AGBL1: variants seen among roughly 807,000 people sequenced by gnomAD.
AGBL1 encodes cytosolic carboxypeptidase 4.
In AGBL1, 130 loss-of-function variants were observed where a neutral mutation model predicts 118.9. The ratio of observed to expected loss-of-function variants is 1.09; its 90% CI spans 0.95 to 1.26. AGBL1 has a LOEUF of 1.26. AGBL1 is among the 50% of genes most tolerant of loss of function. The pLI is 0.00. For synonymous variants in AGBL1, 555 were observed against 478.9 expected, an observed-to-expected ratio of 1.16 and a Z score of -2.08; for missense variants, 1,584 against 1,298.1, an observed-to-expected ratio of 1.22 and a Z score of -3.38.
chr15:86,301,783 A>G (rs2079751599), intron 17 of AGBL1, among the ~76,000 whole-genome samples: 1 of 151,836 alleles, frequency 6.6e-6, no homozygotes, highest in East Asian at 1.9e-4. Flanking sequence ...ATGTATCTTC[A>G]TGGTAAAATC....
At chr15:86,987,116 G>A (rs2081292526) in intron 23 of AGBL1, among the ~76,000 whole-genome samples, 1 of 152,066 alleles carries the variant, frequency 6.6e-6, no homozygotes, top group African/African-American at 2.4e-5. Flanking sequence ...CTTCTTTTGT[G>A]GTGGAATGTC....
At chr15:86,153,332 TA>T (rs1197318725) in intron 3 of AGBL1, among the ~76,000 whole-genome samples, 2 of 152,224 alleles carry the variant, frequency 1.3e-5, no homozygotes, top group East Asian at 1.9e-4. Context: ...TATGCAGCCA[TA>T]AAAAAGGATG....
intron 17 of AGBL1, chr15:86,304,996 C>T (rs913151822): frequency 3.9e-5 from 6 of 152,204 alleles, no homozygotes; most frequent in Non-Finnish European, 8.8e-5. Context: ...AACCCCATGC[C>T]TCCAAGGTTC....
intron 22 of AGBL1, among the ~76,000 whole-genome samples, chr15:86,906,363 G>A (rs2080279903): frequency 6.6e-6 from 1 of 152,180 alleles, no homozygotes; most frequent in Admixed American, 6.5e-5. Flanking sequence ...TCGCTTGCTG[G>A]TCAACCCCTG....
chr15:86,532,524 G>T (rs1245380969), intron 19 of AGBL1, among the ~76,000 whole-genome samples: 2 of 126,552 alleles, frequency 1.6e-5, no homozygotes, highest in Non-Finnish European at 3.3e-5. Flanking sequence ...TCATGAAAAT[G>T]GCCATACTGC....
At chr15:86,815,346 T>G (rs146533676) in intron 22 of AGBL1, among the ~76,000 whole-genome samples, 1,795 of 152,234 alleles carry the variant, frequency 0.012, 26 homozygotes, top group Middle Eastern at 0.061. Flanking sequence ...GCACAGAAAT[T>G]TATAGGGTCC....
At chr15:86,398,850 G>T (rs1470984115) in intron 18 of AGBL1, among the ~76,000 whole-genome samples, 1 of 152,032 alleles carries the variant, frequency 6.6e-6, no homozygotes, top group Non-Finnish European at 1.5e-5. Context: ...GTTAAACCAG[G>T]TTAAAGGAAA....
chr15:86,798,265 G>T (rs948286307), intron 22 of AGBL1, among the ~76,000 whole-genome samples: 1 of 152,152 alleles, frequency 6.6e-6, no homozygotes, highest in African/African-American at 2.4e-5. Context: ...ATTACCTGTG[G>T]AACTCTGACT....
intron 23 of AGBL1, among the ~76,000 whole-genome samples, chr15:86,954,317 A>G (rs1474396756): frequency 6.6e-6 from 1 of 152,178 alleles, no homozygotes; most frequent in Admixed American, 6.6e-5. Context: ...AGGAAAATAA[A>G]TTATCCTATT....
Position 86,371,908 on chromosome 15 carries a change from C to A in AGBL1, c.2375-25458C>A, listed in dbSNP as rs572934118. 2.6e-5 allele frequency among the ~76,000 whole-genome samples: 4 copies of A among 152,230 alleles called. No individual in the cohort carries two copies. In the South Asian group the frequency reaches 8.3e-4, roughly 32 times the overall value. ...GGGGGAGGTGAGGTGTGCAGAGCCA[C>A]TGTCAGAGCAGCATCTGCCTGCACT... On this transcript the variant is annotated intron_variant, in intron 17 of 22. Transcript: ENST00000614907.
intron 22 of AGBL1, among the ~76,000 whole-genome samples, chr15:86,681,841 A>G (rs1286499131): frequency 6.6e-6 from 1 of 152,092 alleles, no homozygotes; most frequent in Non-Finnish European, 1.5e-5. Context: ...GGTTAAGGAG[A>G]GCAGGCATGG....
chr15:86,304,451 C>G (rs905827249), intron 17 of AGBL1, among the ~76,000 whole-genome samples: 14 of 152,194 alleles, frequency 9.2e-5, no homozygotes, highest in East Asian at 1.9e-4. Flanking sequence ...ATCACATGAC[C>G]TTGCTACTTT....
chr15:86,151,508 T>A (rs561555834), intron 3 of AGBL1, among the ~76,000 whole-genome samples: 1 of 152,138 alleles, frequency 6.6e-6, no homozygotes, highest in East Asian at 1.9e-4. Flanking sequence ...ATAAACTAGG[T>A]ATTGATGGAA....
At chr15:86,881,429 A>G (rs1216748782) in intron 22 of AGBL1, among the ~76,000 whole-genome samples, 1 of 151,862 alleles carries the variant, frequency 6.6e-6, no homozygotes, top group Non-Finnish European at 1.5e-5. Flanking sequence ...AACCTACTCA[A>G]TCTCTCTTTG....
chr15:86,264,914 T>TAGTAG, intron 11 of AGBL1, 76 bp downstream of exon 11: 1 of 1,289,926 alleles, frequency 7.8e-7, no homozygotes, highest in Non-Finnish European at 1.1e-6. Flanking sequence ...TTTGTACAGA[T>TAGTAG]AATTCTACTA....
At chr15:86,299,199 C>A (rs1182478445) in intron 17 of AGBL1, among the ~76,000 whole-genome samples, 1 of 152,096 alleles carries the variant, frequency 6.6e-6, no homozygotes, top group Admixed American at 6.6e-5. Context: ...GCCCTCAAAG[C>A]CAAACTGTGG....
At chr15:86,232,816 G>A (rs558879395) in intron 6 of AGBL1, among the ~76,000 whole-genome samples, 6 of 152,254 alleles carry the variant, frequency 3.9e-5, no homozygotes, top group Non-Finnish European at 7.4e-5. Flanking sequence ...CTGCCTCCCC[G>A]CCCTGCATGT....
intron 5 of AGBL1, among the ~76,000 whole-genome samples, chr15:86,199,378 G>A (rs900037041): frequency 2.0e-5 from 3 of 152,126 alleles, no homozygotes; most frequent in African/African-American, 7.2e-5. Flanking sequence ...GGTTGTCTGT[G>A]TCTGTTTGTT....
intron 24 of AGBL1, among the ~76,000 whole-genome samples, chr15:87,014,810 C>A (rs866660003): frequency 2.0e-5 from 3 of 152,116 alleles, no homozygotes; most frequent in Non-Finnish European, 4.4e-5. Flanking sequence ...TACTTGCCCT[C>A]CATTAGAAGA....
Sources: gnomAD v4.1 joint callset for allele counts (sites outside exome capture counted in the v4.1 genomes callset) on GRCh38, gnomAD v4.1.1 for gene constraint, MANE v1.5 for transcripts, NCBI Gene and HGNC (gene_info 2026-07-23, HGNC 2026-07-21) for gene names.